CORO2A: variants seen among roughly 807,000 people sequenced by gnomAD.
CORO2A encodes the protein coronin-2A.
In CORO2A, 47 loss-of-function variants were observed where a neutral mutation model predicts 62.4. The ratio of observed to expected loss-of-function variants is 0.75; its 90% CI spans 0.60 to 0.96. CORO2A has a LOEUF of 0.96. Ranked by LOEUF, CORO2A falls within the 40% of genes least tolerant of loss-of-function variation. The pLI is 0.00. For synonymous variants in CORO2A, 273 were observed against 268.9 expected, an observed-to-expected ratio of 1.02 and a Z score of -0.15; for missense variants, 610 against 684.1, an observed-to-expected ratio of 0.89 and a Z score of 1.21.
intron 1 of CORO2A, among the ~76,000 whole-genome samples, chr9:98,165,569 G>A (rs10491724): frequency 0.058 from 8,892 of 152,276 alleles, 333 homozygotes; most frequent in East Asian, 0.2. Flanking sequence ...TCAGGGAAAT[G>A]ACCAAGAGCA....
intron 2 of CORO2A, among the ~76,000 whole-genome samples, chr9:98,146,077 G>A (rs1587999200): frequency 1.3e-5 from 2 of 152,182 alleles, no homozygotes; most frequent in Non-Finnish European, 2.9e-5. Flanking sequence ...TGAAAGCCAC[G>A]GTGTCCATTA....
chr9:98,180,095 C>T (rs1033430643), intron 1 of CORO2A, among the ~76,000 whole-genome samples: 3 of 152,162 alleles, frequency 2.0e-5, no homozygotes, highest in Non-Finnish European at 2.9e-5. Flanking sequence ...TTCTAAACAA[C>T]GTCAGTGCGT....
chr9:98,162,398 G>A (rs771883835), intron 1 of CORO2A, among the ~76,000 whole-genome samples: 2 of 152,102 alleles, frequency 1.3e-5, no homozygotes, highest in African/African-American at 4.8e-5. Flanking sequence ...ACTTCCCCAC[G>A]GATGAAGCCA....
chr9:98,154,352 T>TACACAC (rs1554745024), intron 2 of CORO2A, among the ~76,000 whole-genome samples: 1 of 94,058 alleles, frequency 1.1e-5, no homozygotes, highest in African/African-American at 3.7e-5. Flanking sequence ...TATATATATA[T>TACACAC]ACACAAATAC....
In CORO2A at chr9:98,154,323, T is replaced by TTGTG. The variant is rs66488824; in HGVS notation, c.201+3133_201+3136dup. Among the ~76,000 whole-genome samples, 327 of 101,812 alleles carry TTGTG rather than the reference T, an allele frequency of 3.2e-3. 2 individuals are homozygous for TTGTG. The highest frequency in any genetic ancestry group is 1.0e-2 in the African/African-American group (231 of 23,132). 66.8% of individuals were successfully genotyped at this position (101,812 alleles called of 152,430 possible). A position where few individuals can be genotyped will look rare whatever the true frequency, so the allele number is the denominator to read the frequency against. ...TAGGCCTAGAGTCTTTCTTATGTGT[T>TTGTG]TGTGTGTATATATATATATATATAT... On this transcript the variant is annotated intron_variant, in intron 2 of 11. Coordinates refer to ENST00000375077, the MANE Select transcript of CORO2A (RefSeq NM_052820.4).
intron 2 of CORO2A, among the ~76,000 whole-genome samples, chr9:98,149,932 T>C (rs1048717684): frequency 1.5e-4 from 20 of 132,160 alleles, no homozygotes; most frequent in African/African-American, 5.6e-4. Context: ...TCTTTTTCTC[T>C]TTCTTTTTTT....
At chr9:98,136,378 T>C (rs1425805987) in intron 3 of CORO2A, among the ~76,000 whole-genome samples, 2 of 152,238 alleles carry the variant, frequency 1.3e-5, no homozygotes, top group Admixed American at 6.5e-5. Context: ...AAATCCTCTT[T>C]GAATTTTCTG....
At chr9:98,125,733 TTTGAGACAGAGTC>T (rs1339746259) in intron 11 of CORO2A, among the ~76,000 whole-genome samples, 36 of 148,188 alleles carry the variant, frequency 2.4e-4, no homozygotes, top group Non-Finnish European at 4.0e-4. Flanking sequence ...TTTTTTTTTT[TTTGAGACAGAGTC>T]TCACTCTGTT....
chr9:98,139,166 G>A (rs149729280), intron 2 of CORO2A, among the ~76,000 whole-genome samples: 2 of 152,142 alleles, frequency 1.3e-5, no homozygotes, highest in Admixed American at 6.5e-5. Context: ...TAATGAGTGA[G>A]GGGTGTCTTT....
At chr9:98,184,317 A>G (rs10760183) in intron 1 of CORO2A, among the ~76,000 whole-genome samples, 105,817 of 151,854 alleles carry the variant, frequency 0.7, 38,095 homozygotes, top group African/African-American at 0.89. Context: ...TGGGATTACC[A>G]GGAGGAGCCA....
At chr9:98,190,134 C>G (rs577079421) in intron 1 of CORO2A, among the ~76,000 whole-genome samples, 16 of 152,368 alleles carry the variant, frequency 1.1e-4, no homozygotes, top group Admixed American at 7.2e-4. Context: ...ATCCGCCCAC[C>G]TTGGCCTCCT....
intron 1 of CORO2A, among the ~76,000 whole-genome samples, chr9:98,165,347 A>G (rs1326173730): frequency 6.6e-6 from 1 of 152,200 alleles, no homozygotes; most frequent in Non-Finnish European, 1.5e-5. Context: ...CCATTTCTTA[A>G]AGGGCCCAAC....
At chr9:98,189,653 G>A (rs1828280589) in intron 1 of CORO2A, among the ~76,000 whole-genome samples, 1 of 152,090 alleles carries the variant, frequency 6.6e-6, no homozygotes. Flanking sequence ...TCCAGAGAGG[G>A]GAACGGATCG....
chr9:98,187,480 A>C (rs1037102745), intron 1 of CORO2A, among the ~76,000 whole-genome samples: 3 of 147,670 alleles, frequency 2.0e-5, no homozygotes, highest in African/African-American at 7.4e-5. Flanking sequence ...AAAAAAATGT[A>C]GGTGCTTTAT....
intron 1 of CORO2A, among the ~76,000 whole-genome samples, chr9:98,185,736 C>A (rs1828231264): frequency 6.6e-6 from 1 of 152,340 alleles, no homozygotes; most frequent in Non-Finnish European, 1.5e-5. Flanking sequence ...GCAAGAACTT[C>A]CCTTGCACTT....
intron 2 of CORO2A, among the ~76,000 whole-genome samples, chr9:98,144,836 A>G (rs1827620535): frequency 1.3e-5 from 2 of 152,002 alleles, no homozygotes; most frequent in Admixed American, 1.3e-4. Context: ...AAGAGGGGTG[A>G]GGCTGAGGGC....
At chr9:98,125,475 T>A (rs1587988669) in intron 11 of CORO2A, among the ~76,000 whole-genome samples, 1 of 152,172 alleles carries the variant, frequency 6.6e-6, no homozygotes, top group African/African-American at 2.4e-5. Context: ...AGGATCAGAA[T>A]CCATCTGTGA....
rs138401545 is a variant in CORO2A at position 98,176,944 on chromosome 9, G to A, written c.-1+15615C>T. On this transcript the variant is annotated intron_variant, in intron 1 of 11. Transcript: ENST00000375077. ...AACAGAGTCCTGTCTTCCTGTACCTGGATACAGTACCAAACATTTTTGTTC... is the reference window on the plus strand; with the variant it reads ...AACAGAGTCCTGTCTTCCTGTACCTAGATACAGTACCAAACATTTTTGTTC... Among the ~76,000 whole-genome samples, 5 of 152,264 alleles carry A rather than the reference G, an allele frequency of 3.3e-5. No individual in the cohort carries two copies. In the East Asian group the frequency reaches 7.7e-4, roughly 23 times the overall value.
At chr9:98,138,285 T>G (rs1334271060) in intron 2 of CORO2A, among the ~76,000 whole-genome samples, 2 of 151,840 alleles carry the variant, frequency 1.3e-5, no homozygotes, top group Non-Finnish European at 2.9e-5. Flanking sequence ...CGTGGTAGCA[T>G]GCACCTGTAA....
Sources: allele counts gnomAD v4.1 joint callset (sites outside exome capture counted in the v4.1 genomes callset), GRCh38; gene constraint gnomAD v4.1.1; transcripts MANE v1.5; gene names NCBI Gene and HGNC (gene_info 2026-07-23, HGNC 2026-07-21).